The following FGF14 variants were observed in gnomAD, a reference collection of about 807,000 sequenced individuals.
FGF14 encodes the protein fibroblast growth factor 14, also known as fibroblast growth factor homologous factor 4.
FGF14 carries 5 observed loss-of-function variants against 25.5 expected under a neutral mutation model. That is an observed-to-expected ratio of 0.20 (90% CI 0.10 to 0.41). The LOEUF (loss-of-function observed/expected upper bound fraction) is 0.41. FGF14 is among the 10% of genes least tolerant of loss of function. FGF14 has a pLI of 1.00. For missense variants in FGF14, 222 were observed against 320.1 expected (o/e 0.69, Z 2.34); for synonymous variants, 138 against 118.3 (o/e 1.17, Z -1.08).
At chr13:102,198,206 G>A (rs1465593197) in intron 1 of FGF14, among the ~76,000 whole-genome samples, 5 of 152,094 alleles carry the variant, frequency 3.3e-5, no homozygotes, top group African/African-American at 7.2e-5. Flanking sequence ...AGGCACCATC[G>A]GAAGCCACAG....
In FGF14 at chr13:101,773,893, C is replaced by T. The variant is rs187485827; in HGVS notation, c.409-47083G>A. Among the ~76,000 whole-genome samples the T allele has an allele frequency of 9.7e-3, 1,449 of 148,794 alleles. 12 individuals are homozygous for T. Among genetic ancestry groups the T allele is most frequent in the Admixed American group, 0.015 (216 of 14,654 alleles). On this transcript the variant is annotated intron_variant, in intron 3 of 4. Transcript: ENST00000376143. ...GATCATAAGAGCTAGAAGGGGGGCA[C>T]CATTCTTGATGTATTATCTCCTATA...
At chr13:101,946,453 T>A (rs2035813413) in intron 1 of FGF14, among the ~76,000 whole-genome samples, 1 of 151,612 alleles carries the variant, frequency 6.6e-6, no homozygotes, top group African/African-American at 2.4e-5. Context: ...CAAATCAAAC[T>A]GTCTTAAACA....
At chr13:102,356,967 A>G (rs912587234) in intron 1 of FGF14, among the ~76,000 whole-genome samples, 1 of 150,920 alleles carries the variant, frequency 6.6e-6, no homozygotes, top group African/African-American at 2.4e-5. Context: ...ACAGATATTC[A>G]TATCTGTAGA....
At chr13:101,788,965 G>GAGAGAGATAGAT (rs2040073837) in intron 3 of FGF14, among the ~76,000 whole-genome samples, 1 of 80,604 alleles carries the variant, frequency 1.2e-5, no homozygotes, top group Non-Finnish European at 2.8e-5. Context: ...GAGAGAGAGA[G>GAGAGAGATAGAT]AGAGACAGAG....
intron 3 of FGF14, among the ~76,000 whole-genome samples, chr13:101,772,405 T>C (rs1331198376): frequency 6.6e-6 from 1 of 150,642 alleles, no homozygotes; most frequent in Non-Finnish European, 1.5e-5. Context: ...AGACAGTCTG[T>C]CTTTAAACTA....
intron 1 of FGF14, among the ~76,000 whole-genome samples, chr13:102,057,213 T>C (rs1358565699): frequency 1.3e-5 from 2 of 152,102 alleles, no homozygotes; most frequent in Admixed American, 6.5e-5. Flanking sequence ...ATTAACAGAA[T>C]ATGAAAAAAA....
intron 3 of FGF14, among the ~76,000 whole-genome samples, chr13:101,734,975 T>G (rs969441069): frequency 6.6e-6 from 1 of 152,222 alleles, no homozygotes; most frequent in South Asian, 2.1e-4. Flanking sequence ...ACCTTTGCCA[T>G]GTAATTTGCA....
At chr13:101,815,559 C>T (rs2041800138) in intron 3 of FGF14, among the ~76,000 whole-genome samples, 1 of 152,076 alleles carries the variant, frequency 6.6e-6, no homozygotes, top group Non-Finnish European at 1.5e-5. Flanking sequence ...GTTACTTTGG[C>T]AAAAGGCAAT....
intron 3 of FGF14, among the ~76,000 whole-genome samples, chr13:101,790,209 ACTCT>A (rs895010529): frequency 2.0e-5 from 3 of 150,208 alleles, no homozygotes; most frequent in African/African-American, 7.3e-5. Context: ...ACTTCTTTTT[ACTCT>A]CTTTTATCCA....
chr13:102,185,882 G>T (rs1429782267), intron 1 of FGF14, among the ~76,000 whole-genome samples: 2 of 152,168 alleles, frequency 1.3e-5, no homozygotes, highest in Non-Finnish European at 2.9e-5. Context: ...GCGACGTTGT[G>T]AAGTCACTGT....
chr13:102,040,119 GC>G (rs2041660617), intron 1 of FGF14, among the ~76,000 whole-genome samples: 3 of 152,046 alleles, frequency 2.0e-5, no homozygotes, highest in Admixed American at 2.0e-4. Flanking sequence ...CGTTCTTCAA[GC>G]CTCTTTCAAA....
chr13:102,102,435 CAGA>C (rs1255118756), intron 1 of FGF14, among the ~76,000 whole-genome samples: 1 of 152,132 alleles, frequency 6.6e-6, no homozygotes, highest in Non-Finnish European at 1.5e-5. Flanking sequence ...CAGCTTAATA[CAGA>C]AAGTAGAAAA....
intron 1 of FGF14, among the ~76,000 whole-genome samples, chr13:102,327,897 A>T (rs1376724265): frequency 1.3e-5 from 2 of 151,696 alleles, no homozygotes; most frequent in East Asian, 3.8e-4. Flanking sequence ...CATTTCCAAA[A>T]AAAAATAAAA....
At chr13:102,366,779 A>G (rs913881978) in intron 1 of FGF14, among the ~76,000 whole-genome samples, 2 of 152,224 alleles carry the variant, frequency 1.3e-5, no homozygotes, top group South Asian at 2.1e-4. Flanking sequence ...TTAAAACAGA[A>G]AAATACACAT....
Position 101,910,366 on chromosome 13 carries a change from C to G in FGF14, c.193+6087G>C, listed in dbSNP as rs2032791233. On this transcript the variant is annotated intron_variant, in intron 1 of 4. Coordinates refer to ENST00000376143, the MANE Select transcript of FGF14 (RefSeq NM_004115.4). Reference sequence around the variant, plus strand: ...TCTATGCTTCTGCTGCATATATGTCCTGACAAATGTGGTATGTTTCATTCA... The same window carrying G: ...TCTATGCTTCTGCTGCATATATGTCGTGACAAATGTGGTATGTTTCATTCA... 2.6e-5 allele frequency among the ~76,000 whole-genome samples: 4 copies of G among 152,194 alleles called. No homozygotes were observed. In the South Asian group the frequency reaches 8.3e-4, roughly 32 times the overall value.
At position 101,886,779 on chromosome 13, in the gene FGF14, T is replaced by C. The variant is rs1447656385; in HGVS notation, c.194-11483A>G. Among the ~76,000 whole-genome samples, 3 of 152,064 alleles carry C rather than the reference T, an allele frequency of 2.0e-5. No homozygotes were observed. In the East Asian group the frequency reaches 5.8e-4, roughly 29 times the overall value. On this transcript the variant is annotated intron_variant, in intron 1 of 4. Coordinates refer to ENST00000376143, the MANE Select transcript of FGF14 (RefSeq NM_004115.4). ...ACACAACCTACAGAATGAGAAAATA[T>C]TTGCCAACTATCTATCTAACAAGGG...
intron 1 of FGF14, among the ~76,000 whole-genome samples, chr13:102,345,511 C>T (rs1408239759): frequency 6.6e-6 from 1 of 152,198 alleles, no homozygotes; most frequent in South Asian, 2.1e-4. Flanking sequence ...CCCTACAAAG[C>T]ATGCCTTTTC....
intron 3 of FGF14, among the ~76,000 whole-genome samples, chr13:101,735,417 G>A (rs1460821375): frequency 4.6e-5 from 7 of 152,046 alleles, no homozygotes; most frequent in Non-Finnish European, 1.0e-4. Context: ...GAATTATATA[G>A]CCTATCACCC....
At chr13:102,215,126 T>TAAA (rs2050317208) in intron 1 of FGF14, among the ~76,000 whole-genome samples, 1 of 152,216 alleles carries the variant, frequency 6.6e-6, no homozygotes, top group Non-Finnish European at 1.5e-5. Flanking sequence ...CCTCTTCTTT[T>TAAA]GGTTCATATG....
Sources: gnomAD v4.1 joint callset for allele counts (sites outside exome capture counted in the v4.1 genomes callset) on GRCh38, gnomAD v4.1.1 for gene constraint, MANE v1.5 for transcripts, NCBI Gene and HGNC (gene_info 2026-07-23, HGNC 2026-07-21) for gene names.